The following SPOCK3 variants were observed in gnomAD, a reference collection of about 807,000 sequenced individuals.
The protein encoded by SPOCK3 is SPARC (osteonectin), cwcv and kazal like domains proteoglycan 3, also known as testican-3.
A neutral mutation model predicts 56.6 loss-of-function variants in SPOCK3; 30 were observed. The ratio of observed to expected loss-of-function variants is 0.53; its 90% CI spans 0.40 to 0.72. The LOEUF (loss-of-function observed/expected upper bound fraction) is 0.72, where lower values mean the gene tolerates loss of function less well. Among genes scored for constraint, SPOCK3 ranks in the 30% least tolerant of loss-of-function variants. SPOCK3 has a pLI of 0.00. For synonymous variants in SPOCK3, 196 were observed against 183.3 expected, an observed-to-expected ratio of 1.07 and a Z score of -0.56; for missense variants, 527 against 530.0, an observed-to-expected ratio of 0.99 and a Z score of 0.06.
intron 5 of SPOCK3, among the ~76,000 whole-genome samples, chr4:166,906,751 T>C (rs1736663645): frequency 6.6e-6 from 1 of 151,994 alleles, no homozygotes; most frequent in African/African-American, 2.4e-5. Context: ...TTTTTATTTT[T>C]TAATTTTTTT....
chr4:166,871,218 A>G (rs1278443179), intron 6 of SPOCK3, among the ~76,000 whole-genome samples: 1 of 152,148 alleles, frequency 6.6e-6, no homozygotes, highest in Admixed American at 6.6e-5. Flanking sequence ...AAAAAACAGA[A>G]GTCAATGTAA....
intron 6 of SPOCK3, among the ~76,000 whole-genome samples, chr4:166,862,366 T>C (rs1046275061): frequency 6.6e-6 from 1 of 151,962 alleles, no homozygotes; most frequent in Non-Finnish European, 1.5e-5. Flanking sequence ...GACTTGAATG[T>C]AGCAAATTGA....
intron 7 of SPOCK3, among the ~76,000 whole-genome samples, chr4:166,779,742 T>C (rs940681085): frequency 6.6e-6 from 1 of 152,138 alleles, no homozygotes; most frequent in Non-Finnish European, 1.5e-5. Context: ...GCTTAAATGC[T>C]TACATTTACA....
At chr4:167,006,933 G>A (rs1386087209) in intron 3 of SPOCK3, among the ~76,000 whole-genome samples, 2 of 152,206 alleles carry the variant, frequency 1.3e-5, no homozygotes, top group Admixed American at 6.5e-5. Context: ...CACGTCCAAG[G>A]ATTCTTTGGG....
At chr4:167,035,958 AAAATT>A (rs767329152) in intron 3 of SPOCK3, among the ~76,000 whole-genome samples, 10 of 152,168 alleles carry the variant, frequency 6.6e-5, no homozygotes, top group African/African-American at 9.6e-5. Context: ...ATCTTTTAGA[AAAATT>A]AAATTATTCA....
intron 2 of SPOCK3, among the ~76,000 whole-genome samples, chr4:167,185,878 T>C (rs1050347588): frequency 6.6e-6 from 1 of 152,354 alleles, no homozygotes; most frequent in African/African-American, 2.4e-5. Flanking sequence ...TCCCAGATTC[T>C]GATAACCTAC....
intron 2 of SPOCK3, among the ~76,000 whole-genome samples, chr4:167,161,363 T>C (rs558036471): frequency 3.5e-4 from 54 of 152,240 alleles, no homozygotes; most frequent in Non-Finnish European, 6.3e-4. Context: ...CCAGTTAGAA[T>C]GGCAATCATT....
At position 167,204,836 on chromosome 4, in the gene SPOCK3, T is replaced by C. The variant is rs182874586; in HGVS notation, c.189+29149A>G. On this transcript the variant is annotated intron_variant, in intron 2 of 10. Transcript: ENST00000357545. ...TCCTAATGAAAATCATATTTATTTA[T>C]TTATTAGAAATCGGGTCTTGCTCTG... 3.3e-5 allele frequency among the ~76,000 whole-genome samples: 5 copies of C among 151,740 alleles called. No individual in the cohort carries two copies. The East Asian group carries it at 9.7e-4, about 30-fold the overall frequency.
intron 7 of SPOCK3, among the ~76,000 whole-genome samples, chr4:166,769,482 G>T (rs1159397562): frequency 6.6e-6 from 1 of 152,222 alleles, no homozygotes; most frequent in East Asian, 1.9e-4. Context: ...GGTATCAGCA[G>T]CAGAGGCTGC....
At chr4:167,143,816 T>C (rs1302242085) in intron 2 of SPOCK3, among the ~76,000 whole-genome samples, 2 of 151,900 alleles carry the variant, frequency 1.3e-5, no homozygotes, top group African/African-American at 4.8e-5. Flanking sequence ...AAATAAACAT[T>C]TAGCTTATAT....
intron 2 of SPOCK3, among the ~76,000 whole-genome samples, chr4:167,082,753 A>G (rs2150292958): frequency 8.6e-6 from 1 of 115,826 alleles, no homozygotes; most frequent in South Asian, 3.1e-4. Context: ...GAAGGAAGGA[A>G]GGAAGGGAGG....
chr4:167,005,376 AT>A (rs1000795119), intron 3 of SPOCK3, among the ~76,000 whole-genome samples: 6 of 150,154 alleles, frequency 4.0e-5, no homozygotes, highest in African/African-American at 7.3e-5. Context: ...CGCCTGGCTA[AT>A]TTTTTTTTGT....
intron 6 of SPOCK3, among the ~76,000 whole-genome samples, chr4:166,821,225 C>T (rs190987470): frequency 8.0e-4 from 121 of 152,068 alleles, no homozygotes; most frequent in African/African-American, 2.7e-3. Flanking sequence ...TGCTCAACAT[C>T]ATTAGTCACT....
chr4:166,927,649 C>A (rs1739268701), intron 4 of SPOCK3, among the ~76,000 whole-genome samples: 1 of 152,114 alleles, frequency 6.6e-6, no homozygotes, highest in South Asian at 2.1e-4. Flanking sequence ...AGAAGAAAAT[C>A]TACATCACCT....
intron 2 of SPOCK3, among the ~76,000 whole-genome samples, chr4:167,175,745 T>C (rs555316221): frequency 3.9e-5 from 6 of 152,120 alleles, no homozygotes; most frequent in Admixed American, 1.3e-4. Flanking sequence ...CCAGCCCTGT[T>C]CACACCTTGA....
chr4:166,954,151 A>T (rs1743098131), intron 4 of SPOCK3, among the ~76,000 whole-genome samples: 1 of 152,196 alleles, frequency 6.6e-6, no homozygotes, highest in Non-Finnish European at 1.5e-5. Flanking sequence ...CTATTGAGTT[A>T]TCTGAGTTCC....
intron 6 of SPOCK3, among the ~76,000 whole-genome samples, chr4:166,796,725 C>T (rs1009840731): frequency 3.9e-5 from 6 of 152,220 alleles, no homozygotes; most frequent in Middle Eastern, 3.4e-3. Context: ...AGAAATGCAA[C>T]ACATCATTCC....
chr4:167,166,706 C>T (rs1441254734), intron 2 of SPOCK3, among the ~76,000 whole-genome samples: 1 of 152,106 alleles, frequency 6.6e-6, no homozygotes, highest in African/African-American at 2.4e-5. Context: ...ATTAATTTCA[C>T]TCCTTAGCGG....
intron 2 of SPOCK3, among the ~76,000 whole-genome samples, chr4:167,229,492 G>A (rs756912105): frequency 3.9e-5 from 6 of 152,030 alleles, no homozygotes; most frequent in Non-Finnish European, 5.9e-5. Flanking sequence ...AGTAGAAGTT[G>A]ATAGACCCTC....
Sources: allele counts gnomAD v4.1 joint callset (sites outside exome capture counted in the v4.1 genomes callset), GRCh38; gene constraint gnomAD v4.1.1; transcripts MANE v1.5; gene names NCBI Gene and HGNC (gene_info 2026-07-23, HGNC 2026-07-21).